The following CRTAM variants were observed in gnomAD, a reference collection of about 807,000 sequenced individuals.
The protein encoded by CRTAM is cytotoxic and regulatory T cell molecule, also known as cytotoxic and regulatory T-cell molecule.
A neutral mutation model predicts 50.0 loss-of-function variants in CRTAM; 44 were observed. The ratio of observed to expected loss-of-function variants is 0.88; its 90% CI spans 0.69 to 1.13. The LOEUF (loss-of-function observed/expected upper bound fraction) is 1.13, where lower values mean the gene tolerates loss of function less well. Among genes scored for constraint, CRTAM ranks in the 50% most tolerant of loss-of-function variants. The pLI is 0.00. For missense variants in CRTAM, 448 were observed against 457.5 expected, an observed-to-expected ratio of 0.98 and a Z score of 0.19; for synonymous variants, 159 against 169.3, an observed-to-expected ratio of 0.94 and a Z score of 0.47.
At chr11:122,843,921 T>G (rs1225656202) in intron 1 of CRTAM, among the ~76,000 whole-genome samples, 1 of 152,224 alleles carries the variant, frequency 6.6e-6, no homozygotes, top group Non-Finnish European at 1.5e-5. Context: ...GGGGCTATTC[T>G]TCCCTTCTAC....
intron 1 of CRTAM, among the ~76,000 whole-genome samples, chr11:122,847,679 G>A (rs552116564): frequency 6.6e-6 from 1 of 152,296 alleles, no homozygotes; most frequent in Non-Finnish European, 1.5e-5. Context: ...GCTCTTGCCA[G>A]CTCTGATGAC....
chr11:122,855,489 T>C (rs1338160399), intron 4 of CRTAM, among the ~76,000 whole-genome samples: 1 of 152,174 alleles, frequency 6.6e-6, no homozygotes, highest in Non-Finnish European at 1.5e-5. Flanking sequence ...TTTCCAGTAG[T>C]GAAAAGTTTG....
intron 1 of CRTAM, among the ~76,000 whole-genome samples, chr11:122,843,701 C>G (rs1417518502): frequency 6.6e-6 from 1 of 152,122 alleles, no homozygotes; most frequent in Non-Finnish European, 1.5e-5. Context: ...AGTCTGACTC[C>G]AAACTTAGGT....
chr11:122,861,402 ATATATATATATATATATATTTTTTTTTTT>A (rs1862074535), intron 5 of CRTAM, among the ~76,000 whole-genome samples: 7 of 17,188 alleles, frequency 4.1e-4, no homozygotes, highest in African/African-American at 1.0e-3. Flanking sequence ...ATATATATAT[ATATATATATATATATATATTTTTTTTTTT>A]TTTTTTTTTT....
intron 1 of CRTAM, among the ~76,000 whole-genome samples, chr11:122,841,337 A>T (rs967371546): frequency 5.3e-5 from 8 of 152,096 alleles, no homozygotes; most frequent in Non-Finnish European, 8.8e-5. Flanking sequence ...ATTATTTGAT[A>T]TAACAGTTAA....
chr11:122,865,455 C>G lies in CRTAM; in HGVS notation c.817+736C>G, dbSNP rs540195379. Reference sequence around the variant, plus strand: ...TTTTGTTTTTAGAGACAGGGTCTCTCTCTGTCTCCCAGGCCAGGGTGCAGG... The same window carrying G: ...TTTTGTTTTTAGAGACAGGGTCTCTGTCTGTCTCCCAGGCCAGGGTGCAGG... On this transcript the variant is annotated intron_variant, in intron 7 of 9. Coordinates refer to ENST00000227348, the MANE Select transcript of CRTAM (RefSeq NM_019604.4). 1.6e-4 allele frequency among the ~76,000 whole-genome samples: 25 copies of G among 151,924 alleles called. No homozygotes were observed. In the South Asian group the frequency reaches 5.0e-3, roughly 30 times the overall value.
chr11:122,861,698 T>C (rs369257466), intron 5 of CRTAM, among the ~76,000 whole-genome samples: 124 of 151,850 alleles, frequency 8.2e-4, no homozygotes, highest in African/African-American at 1.2e-3. Context: ...ACCTCAGCCT[T>C]CCAAAGTGCT....
intron 1 of CRTAM, 99 bp downstream of exon 1, chr11:122,838,691 T>A: frequency 1.8e-6 from 2 of 1,124,626 alleles, no homozygotes; most frequent in Non-Finnish European, 2.7e-6. Context: ...GGAGCTGCTG[T>A]AGAAGACAAC....
At chr11:122,869,766 C>T (rs1415745648) in intron 9 of CRTAM, among the ~76,000 whole-genome samples, 1 of 152,006 alleles carries the variant, frequency 6.6e-6, no homozygotes, top group Admixed American at 6.6e-5. Context: ...CCTACTAGAG[C>T]GTGAACTGAA....
chr11:122,863,838 T>G (rs763937978), intron 6 of CRTAM, among the ~76,000 whole-genome samples: 10 of 152,198 alleles, frequency 6.6e-5, no homozygotes, highest in Non-Finnish European at 1.2e-4. Flanking sequence ...AGCTTTCCAT[T>G]TCTACGATTT....
Position 122,851,000 on chromosome 11 carries a change from G to A in CRTAM, c.194-693G>A, listed in dbSNP as rs1324689907. Reference sequence around the variant, plus strand: ...ATGCTGGCTGGGCGTGGTGGCTCATGCCTGTAATCCCAGCACTTTGGGAGA... The same window carrying A: ...ATGCTGGCTGGGCGTGGTGGCTCATACCTGTAATCCCAGCACTTTGGGAGA... On this transcript the variant is annotated intron_variant, in intron 2 of 9. Transcript: ENST00000227348. 7.9e-5 allele frequency among the ~76,000 whole-genome samples: 12 copies of A among 151,970 alleles called. No homozygotes were observed. In the East Asian group the frequency reaches 1.7e-3, roughly 22 times the overall value.
At chr11:122,854,840 G>A (rs1369241172) in intron 4 of CRTAM, among the ~76,000 whole-genome samples, 1 of 152,060 alleles carries the variant, frequency 6.6e-6, no homozygotes, top group East Asian at 1.9e-4. Context: ...TTGTAACAAA[G>A]CACCTAAAGG....
chr11:122,843,102 A>G (rs2887851), intron 1 of CRTAM, among the ~76,000 whole-genome samples: 81,617 of 152,040 alleles, frequency 0.54, 22,264 homozygotes, highest in Admixed American at 0.63. Flanking sequence ...AGACCAAAAA[A>G]TCTTACGAAC....
intron 5 of CRTAM, among the ~76,000 whole-genome samples, chr11:122,861,505 G>A (rs1862082528): frequency 7.5e-6 from 1 of 132,892 alleles, no homozygotes; most frequent in South Asian, 2.5e-4. Flanking sequence ...GTGCCATCTT[G>A]GCTCACTGCA....
intron 6 of CRTAM, 148 bp from the exon 7 acceptor site, chr11:122,864,488 A>G (rs972042742): frequency 3.6e-6 from 2 of 557,832 alleles, no homozygotes; most frequent in East Asian, 3.0e-5. Context: ...TTATGTTTGC[A>G]AGAAATCCAT....
At chr11:122,871,223 A>G (rs1862248148) in intron 9 of CRTAM, 46 bp from the exon 10 acceptor site, 2 of 1,560,670 alleles carry the variant, frequency 1.3e-6, no homozygotes, top group Non-Finnish European at 1.7e-6. Context: ...AATGGGTGCA[A>G]TGTTATTCAA....
At position 122,866,607 on chromosome 11, in the gene CRTAM, C is replaced by CT. The variant is rs34105956; in HGVS notation, c.818-787dup. Among the ~76,000 whole-genome samples, 244 of 142,608 alleles carry CT rather than the reference C, an allele frequency of 1.7e-3. 1 individual carries two copies. Among genetic ancestry groups the CT allele is most frequent in the Middle Eastern group, 0.011 (3 of 280 alleles). The allele number at this position is 142,608 out of a possible 152,430, so 93.6% of individuals were successfully genotyped here. Reference sequence around the variant, plus strand: ...AATCAGAATTCTAGGTTTAGAAAGCCTTTTTTTTTTTTTTTAAGAGACAGG... The same window carrying CT: ...AATCAGAATTCTAGGTTTAGAAAGCCTTTTTTTTTTTTTTTTAAGAGACAGG... On this transcript the variant is annotated intron_variant, in intron 7 of 9. Coordinates refer to ENST00000227348, the MANE Select transcript of CRTAM (RefSeq NM_019604.4).
chr11:122,842,684 G>A (rs1861813590), intron 1 of CRTAM, among the ~76,000 whole-genome samples: 1 of 152,234 alleles, frequency 6.6e-6, no homozygotes, highest in Non-Finnish European at 1.5e-5. Context: ...GGAAAGAAAT[G>A]ATGGAGTCCT....
At chr11:122,842,726 G>T (rs1189463079) in intron 1 of CRTAM, among the ~76,000 whole-genome samples, 1 of 152,208 alleles carries the variant, frequency 6.6e-6, no homozygotes, top group African/African-American at 2.4e-5. Context: ...TGACAAAAGA[G>T]GACTAAATTG....
Sources: gnomAD v4.1 joint callset for allele counts (sites outside exome capture counted in the v4.1 genomes callset) on GRCh38, gnomAD v4.1.1 for gene constraint, MANE v1.5 for transcripts, NCBI Gene and HGNC (gene_info 2026-07-23, HGNC 2026-07-21) for gene names.